The following TMC5 variants were observed in gnomAD, a reference collection of about 807,000 sequenced individuals.
The protein encoded by TMC5 is transmembrane channel-like protein 5.
A neutral mutation model predicts 110.5 loss-of-function variants in TMC5; 86 were observed. The observed-to-expected ratio is 0.78, with a 90% CI of 0.65 to 0.93. The LOEUF is 0.93. TMC5 is among the 40% of genes least tolerant of loss of function. TMC5 has a pLI of 0.00. For missense variants in TMC5, 1,144 were observed against 1,222.8 expected (o/e 0.94, Z 0.96); for synonymous variants, 455 against 439.5 (o/e 1.04, Z -0.44).
rs1483942345 is a variant in TMC5, at chr16:19,493,307, A to G, written c.2827-955A>G. On this transcript the variant is annotated intron_variant, in intron 19 of 21. Coordinates refer to ENST00000542583, the MANE Select transcript of TMC5 (RefSeq NM_001261841.2). ...AACTACAATATCATCATCACACTTA[A>G]AAAACTTAACAATAATTTATTATTA... Among the ~76,000 whole-genome samples, 5 of 151,926 alleles carry G rather than the reference A, an allele frequency of 3.3e-5. No individual in the cohort carries two copies. In the East Asian group the frequency reaches 9.7e-4, roughly 29 times the overall value.
chr16:19,465,091 TCCTTCCTTCCTTCCTTCCTTCCTCCCTC>T (rs1968148019), intron 8 of TMC5, among the ~76,000 whole-genome samples: 1 of 105,986 alleles, frequency 9.4e-6, no homozygotes, highest in Non-Finnish European at 2.0e-5. Context: ...CTTCCTTCCT[TCCTTCCTTCCTTCCTTCCTTCCTCCCTC>T]CCTCCCTCCC....
chr16:19,444,184 A>G lies in TMC5; in HGVS notation c.892A>G (p.Met298Val). 1 of 1,614,046 alleles carries G rather than the reference A, an allele frequency of 6.2e-7. No individual in the cohort carries two copies. The highest frequency in any genetic ancestry group is 8.5e-7 in the Non-Finnish European group (1 of 1,180,014). Residue 298 changes from methionine (M) to valine (V), a missense_variant, in exon 4 of 22, where the codon ATG becomes GTG. Met to Val is a conservative substitution (Grantham distance 21, BLOSUM62 1). Transcript: ENST00000542583. Reference protein sequence around the residue: ...GENDYPEGIEMASMEMANSYG... With the variant: ...GENDYPEGIEVASMEMANSYG... ...GAATGATTACCCTGAAGGCATTGAA[A>G]TGGCATCCATGGAGATGGCAAACTC...
chr16:19,439,976 A>T lies in TMC5; in HGVS notation c.-63A>T. ...GTTTTTCAGGTGAAAAAAAAAAAAG[A>T]TCCCTGAGTAATTGCAAATGCTGGG... On this transcript the variant is annotated 5_prime_UTR_variant, in exon 3 of 22. Transcript: ENST00000542583. The T allele has an allele frequency of 1.5e-6, 2 of 1,320,630 alleles. No individual in the cohort carries two copies. Among genetic ancestry groups the T allele is most frequent in the Non-Finnish European group, 2.1e-6 (2 of 958,712 alleles). The allele number at this position is 1,320,630 out of a possible 1,614,324, so 81.8% of individuals were successfully genotyped here. A position where few individuals can be genotyped will look rare whatever the true frequency, so the allele number is the denominator to read the frequency against.
intron 6 of TMC5, among the ~76,000 whole-genome samples, chr16:19,461,438 G>A (rs1968019224): frequency 6.6e-6 from 1 of 152,094 alleles, no homozygotes; most frequent in Non-Finnish European, 1.5e-5. Context: ...GCCGGGTGTG[G>A]TGGCATGCGC....
intron 5 of TMC5, among the ~76,000 whole-genome samples, chr16:19,455,939 G>A (rs924339585): frequency 3.9e-5 from 6 of 152,176 alleles, no homozygotes; most frequent in African/African-American, 1.4e-4. Context: ...CAGGTGCTGT[G>A]TCTCACGCCT....
intron 18 of TMC5, among the ~76,000 whole-genome samples, chr16:19,491,687 C>T (rs952793503): frequency 1.1e-4 from 17 of 151,952 alleles, no homozygotes; most frequent in Non-Finnish European, 2.1e-4. Flanking sequence ...AGGCACCCAC[C>T]ACCACGCCCA....
intron 9 of TMC5, among the ~76,000 whole-genome samples, chr16:19,466,942 C>T (rs1377006732): frequency 4.6e-5 from 7 of 151,924 alleles, no homozygotes; most frequent in Non-Finnish European, 7.4e-5. Context: ...TCCAGGAGTT[C>T]GAGACTGGAC....
intron 20 of TMC5, among the ~76,000 whole-genome samples, chr16:19,496,654 G>A (rs1282016029): frequency 6.6e-6 from 1 of 152,042 alleles, no homozygotes; most frequent in Non-Finnish European, 1.5e-5. Context: ...GGAGGCCGAG[G>A]TGGACAGATC....
chr16:19,492,243 A>G lies in TMC5; in HGVS notation c.2826+15A>G. 6.3e-7 allele frequency: 1 copy of G among 1,590,570 alleles called. No individual in the cohort carries two copies. Among genetic ancestry groups the G allele is most frequent in the Non-Finnish European group, 8.6e-7 (1 of 1,158,822 alleles). On this transcript the variant is annotated intron_variant, in intron 19 of 21. Coordinates refer to ENST00000542583, the MANE Select transcript of TMC5 (RefSeq NM_001261841.2). ...AGATCATTAATGTAAGTCCCCTTGG[A>G]TCCCTCTGATGTCCGCCCTCACCCT... is the stretch of plus-strand genomic sequence containing the variant.
intron 19 of TMC5, 57 bp from the exon 20 acceptor site, chr16:19,494,205 A>G: frequency 7.1e-7 from 1 of 1,399,170 alleles, no homozygotes; most frequent in South Asian, 1.2e-5. Flanking sequence ...TCTCAATTCC[A>G]TACCATCATT....
Position 19,490,421 on chromosome 16 carries a change from C to T in TMC5, c.2600C>T (p.Pro867Leu). 6.2e-7 allele frequency: 1 copy of T among 1,614,164 alleles called. No individual in the cohort carries two copies. The highest frequency in any genetic ancestry group is 1.6e-4 in the Middle Eastern group (1 of 6,062). ...TTGAAGCCTTCAGCTGACTGTGGCC[C>T]TTTTCGAGGTCTGCCTCTCTTCATT... ...WRLKPSADCG[P>L]FRGLPLFIHS... is the part of the protein sequence containing the mutation. The change falls in exon 18 of 22, where the codon CCT (proline) becomes CTT (leucine). Residue 867 changes from proline to leucine, a missense_variant. Transcript: ENST00000542583.
Position 19,427,565 on chromosome 16 carries a change from T to C in TMC5, c.-307-2848T>C, listed in dbSNP as rs867021553. On this transcript the variant is annotated intron_variant, in intron 1 of 21. Coordinates refer to ENST00000542583, the MANE Select transcript of TMC5 (RefSeq NM_001261841.2). ...TAGTGGCTGCCATATTGGACATGCA[T>C]GTAGAGAACCATTCCATCGGCATAG... 9.2e-5 allele frequency among the ~76,000 whole-genome samples: 14 copies of C among 152,258 alleles called. No homozygotes were observed. The Middle Eastern group carries it at 0.027, about 296-fold the overall frequency.
chr16:19,417,734 C>T (rs1966891425), upstream of TMC5: 2 of 152,196 alleles, frequency 1.3e-5, no homozygotes, highest in African/African-American at 4.8e-5. Flanking sequence ...GTCGCGGACT[C>T]AGTAGACAGA....
At chr16:19,460,652 C>T (rs1046093007) in intron 6 of TMC5, among the ~76,000 whole-genome samples, 1 of 152,066 alleles carries the variant, frequency 6.6e-6, no homozygotes, top group Non-Finnish European at 1.5e-5. Context: ...GGTTAACATC[C>T]CCAAAGATAA....
intron 20 of TMC5, among the ~76,000 whole-genome samples, chr16:19,496,383 C>T (rs549299499): frequency 1.1e-3 from 167 of 152,164 alleles, no homozygotes; most frequent in African/African-American, 3.9e-3. Context: ...TCCACCTTAA[C>T]GCAAATACCA....
chr16:19,492,152 T>G lies in TMC5; in HGVS notation c.2750T>G (p.Ile917Ser), dbSNP rs760832771. The change falls in exon 19 of 22, where the codon ATC (isoleucine) becomes AGC (serine). Residue 917 changes from isoleucine to serine, a missense_variant and splice_region_variant. By Grantham distance (142) the Ile-to-Ser change is moderately radical (BLOSUM62 -2). Transcript: ENST00000542583. ...FFFILTLIVLIITYLYWQITE... is the reference protein window; with the variant it reads ...FFFILTLIVLSITYLYWQITE... Reference sequence around the variant, plus strand: ...TTCTTTCTTTTCTCCTCTTCCAGAATCATCACCTATCTTTACTGGCAGATC... The same window carrying G: ...TTCTTTCTTTTCTCCTCTTCCAGAAGCATCACCTATCTTTACTGGCAGATC... 16 of 1,610,998 alleles carry G rather than the reference T, an allele frequency of 9.9e-6. No homozygotes were observed. Among genetic ancestry groups the G allele is most frequent in the Non-Finnish European group, 1.3e-5 (15 of 1,177,454 alleles).
intron 13 of TMC5, among the ~76,000 whole-genome samples, chr16:19,479,164 G>A (rs538629800): frequency 9.8e-5 from 15 of 152,290 alleles, no homozygotes; most frequent in Admixed American, 1.3e-4. Context: ...AAAGTTTTAC[G>A]GGGAGAGATC....
chr16:19,422,576 A>G (rs576469747), intron 1 of TMC5, among the ~76,000 whole-genome samples: 7 of 152,262 alleles, frequency 4.6e-5, no homozygotes, highest in African/African-American at 1.7e-4. Flanking sequence ...CGTCTGTTGT[A>G]GCCCAAGCAC....
chr16:19,497,821 A>C, intron 21 of TMC5, 99 bp from the exon 22 acceptor site: 1 of 1,055,052 alleles, frequency 9.5e-7, no homozygotes, highest in Non-Finnish European at 1.4e-6. Flanking sequence ...CAAAGAAGGC[A>C]TGAGAAGCTA....
Sources: allele counts gnomAD v4.1 joint callset (sites outside exome capture counted in the v4.1 genomes callset), GRCh38; gene constraint gnomAD v4.1.1; transcripts MANE v1.5; gene names NCBI Gene and HGNC (gene_info 2026-07-23, HGNC 2026-07-21).